The following TPD52 variants were observed in gnomAD, a reference collection of about 807,000 sequenced individuals.
The protein encoded by TPD52 is tumor protein D52, also known as prostate and colon associated protein.
A neutral mutation model predicts 31.3 loss-of-function variants in TPD52; 17 were observed. The observed-to-expected ratio is 0.54, with a 90% confidence interval of 0.37 to 0.82. The LOEUF (loss-of-function observed/expected upper bound fraction) is 0.82. Among genes scored for constraint, TPD52 ranks in the 40% least tolerant of loss-of-function variants. TPD52 has a pLI of 0.00. For missense variants in TPD52, 212 were observed against 240.1 expected, an observed-to-expected ratio of 0.88 and a Z score of 0.77; for synonymous variants, 83 against 89.6, an observed-to-expected ratio of 0.93 and a Z score of 0.42.
At chr8:80,155,930 C>A (rs1810940286) in intron 1 of TPD52, among the ~76,000 whole-genome samples, 1 of 151,520 alleles carries the variant, frequency 6.6e-6, no homozygotes, top group Non-Finnish European at 1.5e-5. Context: ...GAAAGAAGAG[C>A]AGATGAAGGG....
intron 1 of TPD52, among the ~76,000 whole-genome samples, chr8:80,137,187 A>T (rs1035314561): frequency 7.9e-5 from 12 of 152,374 alleles, no homozygotes; most frequent in African/African-American, 2.6e-4. Context: ...CTAAATAGAT[A>T]AGTGTTTGCC....
At chr8:80,031,705 A>G (rs1175341903), downstream of TPD52, among the ~76,000 whole-genome samples, 2 of 152,106 alleles carry the variant, frequency 1.3e-5, no homozygotes, top group Non-Finnish European at 2.9e-5. Flanking sequence ...AAAAATAGAA[A>G]AATCAGCCTG....
chr8:80,055,624 A>G (rs991585739), intron 2 of TPD52, among the ~76,000 whole-genome samples: 3 of 152,200 alleles, frequency 2.0e-5, no homozygotes, highest in Non-Finnish European at 2.9e-5. Context: ...GGGAGAGAAC[A>G]TTTGCAAACT....
chr8:80,149,262 TGGTTTTATAAA>T (rs1050318542), intron 1 of TPD52, among the ~76,000 whole-genome samples: 2 of 152,196 alleles, frequency 1.3e-5, no homozygotes, highest in East Asian at 1.9e-4. Context: ...TGAGATCTGA[TGGTTTTATAAA>T]GGTTTTATAA....
At chr8:80,127,843 T>C (rs1201638314) in intron 1 of TPD52, among the ~76,000 whole-genome samples, 1 of 140,768 alleles carries the variant, frequency 7.1e-6, no homozygotes, top group Non-Finnish European at 1.6e-5. Flanking sequence ...CACACAGAGA[T>C]ACATAATAAA....
intron 5 of TPD52, among the ~76,000 whole-genome samples, chr8:80,047,225 C>G (rs2130468105): frequency 6.6e-6 from 1 of 152,292 alleles, no homozygotes; most frequent in South Asian, 2.1e-4. Flanking sequence ...GCCACTTATA[C>G]CTGCTGTGCA....
chr8:80,049,006 C>G (rs1811121005), intron 5 of TPD52, among the ~76,000 whole-genome samples: 1 of 152,146 alleles, frequency 6.6e-6, no homozygotes, highest in African/African-American at 2.4e-5. Context: ...AATAAGACAG[C>G]ACACACTGAG....
intron 1 of TPD52, among the ~76,000 whole-genome samples, chr8:80,157,494 A>G (rs1811054210): frequency 6.6e-6 from 1 of 152,174 alleles, no homozygotes; most frequent in Non-Finnish European, 1.5e-5. Flanking sequence ...AATGACCTGA[A>G]GAAAAGCACT....
chr8:80,041,502 G>A (rs996949968), intron 7 of TPD52, among the ~76,000 whole-genome samples: 5 of 152,144 alleles, frequency 3.3e-5, no homozygotes, highest in African/African-American at 9.7e-5. Context: ...AGGAAGTAAT[G>A]AAAATATGGG....
chr8:80,077,344 T>C (rs1251986742), intron 1 of TPD52, among the ~76,000 whole-genome samples: 3 of 151,954 alleles, frequency 2.0e-5, no homozygotes, highest in Non-Finnish European at 2.9e-5. Context: ...ATATTATCCT[T>C]AAGGGTGTTC....
intron 6 of TPD52, among the ~76,000 whole-genome samples, chr8:80,043,876 G>A (rs776806895): frequency 2.4e-4 from 36 of 152,116 alleles, no homozygotes; most frequent in Non-Finnish European, 4.4e-4. Context: ...GACAAAAGAA[G>A]GTTTGTTAAC....
In TPD52 at chr8:80,062,679, T is replaced by C. The variant is rs1397980493; in HGVS notation, c.135+1799A>G. On this transcript the variant is annotated intron_variant, in intron 2 of 7. Coordinates refer to ENST00000518937, the MANE Select transcript of TPD52 (RefSeq NM_001025253.3). ...GTGCTTCCCAAAAAAACTTGAAACATGGGCCAGGAACAGTGGCTCACATCT... is the reference window on the plus strand; with the variant it reads ...GTGCTTCCCAAAAAAACTTGAAACACGGGCCAGGAACAGTGGCTCACATCT... Among the ~76,000 whole-genome samples, 9 of 152,106 alleles carry C rather than the reference T, an allele frequency of 5.9e-5. No individual in the cohort carries two copies. The East Asian group carries it at 1.7e-3, about 29-fold the overall frequency.
In TPD52 at chr8:80,036,231, C is replaced by T; in HGVS notation, c.*1885G>A. ...CATCTAAAGAAATTGCCACTTTACT[C>T]CATTTTGCCTTGTTGAAAAGTTAGT... On this transcript the variant is annotated 3_prime_UTR_variant, in exon 8 of 8. Coordinates refer to ENST00000518937, the MANE Select transcript of TPD52 (RefSeq NM_001025253.3). The T allele has an allele frequency of 6.6e-6, 1 of 152,462 alleles. No individual in the cohort carries two copies. The highest frequency in any genetic ancestry group is 2.1e-4 in the South Asian group (1 of 4,816). The allele number at this position is 152,462 out of a possible 1,614,324, so 9.4% of individuals were successfully genotyped here. A position where few individuals can be genotyped will look rare whatever the true frequency, so the allele number is the denominator to read the frequency against.
intron 1 of TPD52, among the ~76,000 whole-genome samples, chr8:80,146,076 CA>C (rs1810172593): frequency 1.3e-5 from 2 of 152,216 alleles, no homozygotes; most frequent in Non-Finnish European, 2.9e-5. Context: ...CAGCCCAACT[CA>C]CCTAACACAC....
chr8:80,155,100 C>T (rs1188393727), intron 1 of TPD52, among the ~76,000 whole-genome samples: 3 of 151,528 alleles, frequency 2.0e-5, no homozygotes, highest in Non-Finnish European at 4.4e-5. Context: ...AGGGCTCAAG[C>T]GATCCTCCTG....
intron 1 of TPD52, among the ~76,000 whole-genome samples, chr8:80,134,213 T>C (rs1419281888): frequency 6.6e-6 from 1 of 152,238 alleles, no homozygotes; most frequent in Non-Finnish European, 1.5e-5. Context: ...TGCTGCATTA[T>C]CTACATATTC....
intron 1 of TPD52, chr8:80,127,805 C>T (rs1808726213): frequency 8.4e-6 from 1 of 119,182 alleles, no homozygotes; most frequent in African/African-American, 2.9e-5. Flanking sequence ...CACACACACA[C>T]ACACACACAC....
At position 80,075,220 on chromosome 8, in the gene TPD52, G is replaced by A. The variant is rs1266953847; in HGVS notation, c.20-10627C>T. ...TCTCAATCTCCTGACCTCATGATCC[G>A]CCTGCCTCGGCCTCCCAAAGTGCTG... On this transcript the variant is annotated intron_variant, in intron 1 of 7. Transcript: ENST00000518937. Among the ~76,000 whole-genome samples the A allele has an allele frequency of 3.3e-5, 5 of 151,986 alleles. No individual in the cohort carries two copies. In the East Asian group the frequency reaches 5.8e-4, roughly 18 times the overall value.
chr8:80,098,284 C>T (rs900499804), intron 1 of TPD52, among the ~76,000 whole-genome samples: 1 of 152,182 alleles, frequency 6.6e-6, no homozygotes, highest in African/African-American at 2.4e-5. Flanking sequence ...TTTAAGAAAT[C>T]CATTTTGTAA....
Sources: allele counts gnomAD v4.1 joint callset (sites outside exome capture counted in the v4.1 genomes callset), GRCh38; gene constraint gnomAD v4.1.1; transcripts MANE v1.5; gene names NCBI Gene and HGNC (gene_info 2026-07-23, HGNC 2026-07-21).